The following NIBAN1 variants were observed in gnomAD, a reference collection of about 807,000 sequenced individuals.
The protein encoded by NIBAN1 is niban apoptosis regulator 1.
A neutral mutation model predicts 75.1 loss-of-function variants in NIBAN1; 81 were observed. The ratio of observed to expected loss-of-function variants is 1.08; its 90% CI spans 0.90 to 1.30. The LOEUF (loss-of-function observed/expected upper bound fraction) is 1.30. Among genes scored for constraint, NIBAN1 ranks in the 50% most tolerant of loss-of-function variants. The pLI is 0.00. For synonymous variants in NIBAN1, 436 were observed against 424.8 expected, an observed-to-expected ratio of 1.03 and a Z score of -0.32; for missense variants, 1,133 against 1,128.1, an observed-to-expected ratio of 1.00 and a Z score of -0.06.
intron 5 of NIBAN1, among the ~76,000 whole-genome samples, chr1:184,860,465 A>G (rs1311316055): frequency 6.6e-6 from 1 of 152,232 alleles, no homozygotes; most frequent in African/African-American, 2.4e-5. Flanking sequence ...CTATTAGGAT[A>G]AAAAACAAAA....
At chr1:184,943,202 G>A (rs949234303) in intron 1 of NIBAN1, among the ~76,000 whole-genome samples, 1 of 152,138 alleles carries the variant, frequency 6.6e-6, no homozygotes, top group African/African-American at 2.4e-5. Context: ...TCTAAAACTA[G>A]CAAGCCTAAT....
chr1:184,907,415 T>A (rs960419957), intron 1 of NIBAN1, among the ~76,000 whole-genome samples: 1 of 152,186 alleles, frequency 6.6e-6, no homozygotes, highest in East Asian at 1.9e-4. Context: ...CAGGTGAAGA[T>A]TAATTTTGAG....
At chr1:184,882,609 G>T (rs1281428794) in intron 5 of NIBAN1, among the ~76,000 whole-genome samples, 1 of 152,194 alleles carries the variant, frequency 6.6e-6, no homozygotes, top group Non-Finnish European at 1.5e-5. Flanking sequence ...GCAGAGTGGG[G>T]TTTTGAATGG....
At chr1:184,869,030 A>G (rs1309721692) in intron 5 of NIBAN1, among the ~76,000 whole-genome samples, 1 of 152,182 alleles carries the variant, frequency 6.6e-6, no homozygotes, top group African/African-American at 2.4e-5. Context: ...TATCAGCATC[A>G]GCATTACCTG....
In NIBAN1 at chr1:184,855,455, AT is replaced by A. The variant is rs199891269; in HGVS notation, c.602-23494del. Among the ~76,000 whole-genome samples the A allele has an allele frequency of 4.9e-4, 73 of 149,454 alleles. 1 individual carries two copies. In the East Asian group the frequency reaches 8.6e-3, roughly 18 times the overall value. ...GGTTTTGTTTGTTAATCCCATACTT[AT>A]TTTTTTTTTAATCTCTCTGATAGCA... On this transcript the variant is annotated intron_variant, in intron 5 of 13. Coordinates refer to ENST00000367511, the MANE Select transcript of NIBAN1 (RefSeq NM_052966.4).
chr1:184,881,910 A>G (rs1479258679), intron 5 of NIBAN1, among the ~76,000 whole-genome samples: 1 of 152,114 alleles, frequency 6.6e-6, no homozygotes, highest in Admixed American at 6.5e-5. Context: ...GTGCTGACCT[A>G]TCTCATCCTG....
rs1653742376 is a variant in NIBAN1, at chr1:184,793,176, G to A, written c.*1801C>T. ...TTCTGGTTAAATGGTTGAACTGTGT[G>A]TGAAGCAAATGCTCTAAAGAACTGA... On this transcript the variant is annotated 3_prime_UTR_variant, in exon 14 of 14. Transcript: ENST00000367511. 6.6e-6 allele frequency: 1 copy of A among 152,206 alleles called. No homozygotes were observed. Among genetic ancestry groups the A allele is most frequent in the South Asian group, 2.1e-4 (1 of 4,828 alleles). The allele number at this position is 152,206 out of a possible 1,614,324, so 9.4% of individuals were successfully genotyped here. A position where few individuals can be genotyped will look rare whatever the true frequency, so the allele number is the denominator to read the frequency against.
In NIBAN1 at chr1:184,974,284, CCGGG is replaced by C. The variant is rs1553232861; in HGVS notation, c.55+14_55+17del. On this transcript the variant is annotated intron_variant, in intron 1 of 13. Coordinates refer to ENST00000367511, the MANE Select transcript of NIBAN1 (RefSeq NM_052966.4). ...ACGGGTCAGGGTGCTCCCCAGGCCC[CCGGG>C]CGGGCGGGCGTACCTCGGATGTAAG... 1.9e-6 allele frequency: 3 copies of C among 1,551,190 alleles called. No homozygotes were observed. The highest frequency in any genetic ancestry group is 1.9e-5 in the Admixed American group (1 of 53,278).
chr1:184,899,443 C>T, intron 1 of NIBAN1, 134 bp from the exon 2 acceptor site: 1 of 888,488 alleles, frequency 1.1e-6, no homozygotes, highest in Non-Finnish European at 1.7e-6. Flanking sequence ...CCTCCAGTCA[C>T]CCCTGTTTCC....
intron 1 of NIBAN1, among the ~76,000 whole-genome samples, chr1:184,944,047 A>G (rs1197076282): frequency 6.6e-6 from 1 of 152,196 alleles, no homozygotes; most frequent in Non-Finnish European, 1.5e-5. Context: ...ACCTCTACGG[A>G]CGTTGCTGAT....
intron 1 of NIBAN1, among the ~76,000 whole-genome samples, chr1:184,915,437 C>A (rs535957228): frequency 6.6e-6 from 1 of 152,316 alleles, no homozygotes; most frequent in East Asian, 1.9e-4. Context: ...AACATACGTG[C>A]TCACTGGTAT....
At chr1:184,927,524 T>C (rs1276528880) in intron 1 of NIBAN1, among the ~76,000 whole-genome samples, 1 of 152,128 alleles carries the variant, frequency 6.6e-6, no homozygotes, top group Non-Finnish European at 1.5e-5. Context: ...TTCTCTGTGT[T>C]GAGCTGCCTG....
chr1:184,806,094 A>G (rs771418163), intron 10 of NIBAN1, 38 bp from the exon 11 acceptor site: 2 of 1,562,156 alleles, frequency 1.3e-6, no homozygotes, highest in South Asian at 2.2e-5. Context: ...GACAACAGTC[A>G]GGGGCTGGGA....
intron 1 of NIBAN1, among the ~76,000 whole-genome samples, chr1:184,914,831 T>C (rs959196988): frequency 6.6e-6 from 1 of 151,984 alleles, no homozygotes; most frequent in African/African-American, 2.4e-5. Flanking sequence ...CAAATGATTC[T>C]CCTGCCTCAG....
At chr1:184,938,958 G>A (rs1247149337) in intron 1 of NIBAN1, among the ~76,000 whole-genome samples, 6 of 152,072 alleles carry the variant, frequency 3.9e-5, no homozygotes, top group Non-Finnish European at 7.4e-5. Context: ...ACTTAGGGTC[G>A]GTTATGTTAT....
chr1:184,828,413 C>A (rs1477062093), intron 6 of NIBAN1, among the ~76,000 whole-genome samples: 1 of 152,184 alleles, frequency 6.6e-6, no homozygotes, highest in Non-Finnish European at 1.5e-5. Flanking sequence ...GCACTTTAAA[C>A]AAAAGATGTC....
At chr1:184,962,049 T>G (rs1356362918) in intron 1 of NIBAN1, among the ~76,000 whole-genome samples, 1 of 152,186 alleles carries the variant, frequency 6.6e-6, no homozygotes, top group Non-Finnish European at 1.5e-5. Flanking sequence ...AGGAATCTAC[T>G]GGGATGAGCT....
intron 1 of NIBAN1, among the ~76,000 whole-genome samples, chr1:184,956,661 A>G (rs995740131): frequency 3.3e-5 from 5 of 152,194 alleles, no homozygotes; most frequent in Non-Finnish European, 5.9e-5. Flanking sequence ...AGATTTTAAA[A>G]ATATTTTGAT....
At chr1:184,885,654 T>A (rs756013338) in intron 4 of NIBAN1, among the ~76,000 whole-genome samples, 2 of 152,182 alleles carry the variant, frequency 1.3e-5, no homozygotes, top group Non-Finnish European at 2.9e-5. Flanking sequence ...TCCCTGTCAC[T>A]GCCAAACACC....
Sources: allele counts gnomAD v4.1 joint callset (sites outside exome capture counted in the v4.1 genomes callset), GRCh38; gene constraint gnomAD v4.1.1; transcripts MANE v1.5; gene names NCBI Gene and HGNC (gene_info 2026-07-23, HGNC 2026-07-21).